The following SRGAP1 variants were observed in gnomAD, a reference collection of about 807,000 sequenced individuals.
SRGAP1 encodes the protein SLIT-ROBO Rho GTPase activating protein 1.
In SRGAP1, 43 loss-of-function variants were observed where a neutral mutation model predicts 121.9. That is an observed-to-expected ratio of 0.35 (90% CI 0.28 to 0.46). The LOEUF (loss-of-function observed/expected upper bound fraction) is 0.46. SRGAP1 is among the 20% of genes least tolerant of loss of function. The pLI is 1.00. For synonymous variants in SRGAP1, 447 were observed against 485.4 expected (o/e 0.92, Z 1.04); for missense variants, 1,102 against 1,350.9 (o/e 0.82, Z 2.89).
intron 8 of SRGAP1, among the ~76,000 whole-genome samples, chr12:64,065,903 TGAATA>T (rs2035531758): frequency 6.6e-6 from 1 of 152,230 alleles, no homozygotes; most frequent in Non-Finnish European, 1.5e-5. Context: ...TGTATTTAAA[TGAATA>T]GAATATAAAA....
chr12:63,916,897 G>A (rs1171640292), intron 1 of SRGAP1, among the ~76,000 whole-genome samples: 1 of 152,090 alleles, frequency 6.6e-6, no homozygotes, highest in African/African-American at 2.4e-5. Context: ...GGGAAGTTGT[G>A]GTTTGGATCT....
In SRGAP1 at chr12:64,080,309, C is replaced by T. The variant is rs1363787021; in HGVS notation, c.1347C>T (p.Gly449=). Residue 449 remains glycine (G), a synonymous_variant, in exon 10 of 22, where the codon GGC becomes GGT. Transcript: ENST00000355086. ...AGAAACTCAGAGAATATTTGGAAGG[C>T]AGTAATCTCATCACAAAACTTCAAG... is the stretch of plus-strand genomic sequence containing the variant. ...YFMKLREYLE[G]SNLITKLQAK... The T allele has an allele frequency of 6.2e-7, 1 of 1,613,544 alleles. No individual in the cohort carries two copies. The highest frequency in any genetic ancestry group is 1.1e-5 in the South Asian group (1 of 90,986).
chr12:64,097,530 G>A (rs986106386), intron 15 of SRGAP1, 155 bp downstream of exon 15: 18 of 808,298 alleles, frequency 2.2e-5, no homozygotes, highest in Admixed American at 7.0e-5. Context: ...GATCCAGTGC[G>A]AGTCATCCTC....
At position 63,923,039 on chromosome 12, in the gene SRGAP1, G is replaced by T. The variant is rs192314795; in HGVS notation, c.68-60908G>T. 3.6e-4 allele frequency among the ~76,000 whole-genome samples: 55 copies of T among 152,098 alleles called. No homozygotes were observed. The South Asian group carries it at 4.0e-3, about 11-fold the overall frequency. On this transcript the variant is annotated intron_variant, in intron 1 of 21. Transcript: ENST00000355086. ...CTATCCTTCCTGGGAACTCACTGTT[G>T]GTACAAAGGAAAAGAATTTTGTCAC...
chr12:63,960,644 G>A (rs2136378754), intron 1 of SRGAP1, among the ~76,000 whole-genome samples: 1 of 152,244 alleles, frequency 6.6e-6, no homozygotes, highest in East Asian at 1.9e-4. Context: ...ACCTTATATG[G>A]CAAAAGGGAC....
At chr12:63,850,653 C>G (rs1200456383) in intron 1 of SRGAP1, among the ~76,000 whole-genome samples, 3 of 146,234 alleles carry the variant, frequency 2.1e-5, no homozygotes, top group African/African-American at 7.6e-5. Context: ...AGACTGGTCT[C>G]AAACTCCTGA....
At chr12:64,044,674 CTTTTT>C (rs558248193) in intron 6 of SRGAP1, among the ~76,000 whole-genome samples, 11,043 of 72,154 alleles carry the variant, frequency 0.15, 960 homozygotes, top group South Asian at 0.43. Context: ...TGATGTGCCT[CTTTTT>C]TTTTTTTTTT....
intron 1 of SRGAP1, among the ~76,000 whole-genome samples, chr12:63,865,370 G>A (rs1899591412): frequency 6.6e-6 from 1 of 152,176 alleles, no homozygotes; most frequent in African/African-American, 2.4e-5. Flanking sequence ...TTGGGAGACT[G>A]AGGCAGGAGA....
intron 6 of SRGAP1, among the ~76,000 whole-genome samples, chr12:64,043,880 C>T (rs931623281): frequency 6.6e-6 from 1 of 152,072 alleles, no homozygotes; most frequent in Non-Finnish European, 1.5e-5. Flanking sequence ...GTGGCACAGC[C>T]CTAACTGCAT....
At chr12:64,097,522 TC>T in intron 15 of SRGAP1, 147 bp downstream of exon 15, 1 of 891,746 alleles carries the variant, frequency 1.1e-6, no homozygotes, top group Non-Finnish European at 1.6e-6. Flanking sequence ...TCTTTCTGGA[TC>T]CAGTGCGAGT....
chr12:63,893,226 T>C (rs1328353409), intron 1 of SRGAP1, among the ~76,000 whole-genome samples: 1 of 152,168 alleles, frequency 6.6e-6, no homozygotes, highest in East Asian at 1.9e-4. Context: ...TTTTTGGGCT[T>C]AAATGGAGGA....
At chr12:64,047,934 A>G (rs2035166572) in intron 6 of SRGAP1, among the ~76,000 whole-genome samples, 1 of 152,192 alleles carries the variant, frequency 6.6e-6, no homozygotes, top group Non-Finnish European at 1.5e-5. Context: ...ACATCAGGGT[A>G]AATGCGGTAT....
intron 15 of SRGAP1, among the ~76,000 whole-genome samples, chr12:64,098,700 T>A (rs1201004307): frequency 1.3e-5 from 2 of 151,790 alleles, no homozygotes; most frequent in Non-Finnish European, 2.9e-5. Context: ...AAAAGCTAAC[T>A]CCATGGCATG....
chr12:64,121,647 C>T (rs2036607770), intron 18 of SRGAP1, among the ~76,000 whole-genome samples: 1 of 152,088 alleles, frequency 6.6e-6, no homozygotes, highest in Non-Finnish European at 1.5e-5. Flanking sequence ...ATTTCTTTTT[C>T]ACTGCTGCCT....
In SRGAP1 at chr12:64,152,831, C is replaced by G. The variant is rs2037131684; in HGVS notation, c.*10159C>G. On this transcript the variant is annotated 3_prime_UTR_variant, in exon 22 of 22. Transcript: ENST00000355086. ...CTGTTACATTTTGTTTTCATTAAAT[C>G]AGGCTCCCTTCCGGGGATCTAGCTG... 1.3e-5 allele frequency: 2 copies of G among 149,058 alleles called. No homozygotes were observed. The highest frequency in any genetic ancestry group is 6.7e-5 in the Admixed American group (1 of 14,880). The allele number at this position is 149,058 out of a possible 1,614,324, so 9.2% of individuals were successfully genotyped here.
intron 3 of SRGAP1, among the ~76,000 whole-genome samples, chr12:63,996,700 G>T (rs902447566): frequency 1.3e-5 from 2 of 152,050 alleles, no homozygotes; most frequent in South Asian, 4.1e-4. Context: ...AAGCATTTTA[G>T]TGCAGTGTTG....
At chr12:64,065,393 A>G (rs1008607568) in intron 8 of SRGAP1, among the ~76,000 whole-genome samples, 174 bp downstream of exon 8, 14 of 152,158 alleles carry the variant, frequency 9.2e-5, no homozygotes, top group Non-Finnish European at 1.5e-4. Context: ...AAGATTCTGT[A>G]TTCTGCCATA....
intron 6 of SRGAP1, among the ~76,000 whole-genome samples, chr12:64,049,748 T>C (rs2035203310): frequency 6.6e-6 from 1 of 152,120 alleles, no homozygotes. Context: ...GCCAGTACAG[T>C]TTTGGTTACT....
At chr12:63,986,432 T>C (rs1282622266) in intron 2 of SRGAP1, among the ~76,000 whole-genome samples, 1 of 152,096 alleles carries the variant, frequency 6.6e-6, no homozygotes, top group Non-Finnish European at 1.5e-5. Context: ...CAGTAATTTT[T>C]TTTTTTTTTG....
Sources: allele counts gnomAD v4.1 joint callset (sites outside exome capture counted in the v4.1 genomes callset), GRCh38; gene constraint gnomAD v4.1.1; transcripts MANE v1.5; gene names NCBI Gene and HGNC (gene_info 2026-07-23, HGNC 2026-07-21).